ZNF138: variants seen among roughly 807,000 people sequenced by gnomAD.
ZNF138 encodes the protein zinc finger protein 138.
In ZNF138, 33 loss-of-function variants were observed where a neutral mutation model predicts 33.0. The observed-to-expected ratio is 1.00, with a 90% CI of 0.76 to 1.34. The LOEUF is 1.34. Among genes scored for constraint, ZNF138 ranks in the 40% most tolerant of loss-of-function variants. The probability of loss-of-function intolerance (pLI) is 0.00; values close to 1 mark genes in which losing one functional copy is unlikely to be tolerated. For synonymous variants in ZNF138, 139 were observed against 120.4 expected (o/e 1.15, Z -1.01); for missense variants, 360 against 370.8 (o/e 0.97, Z 0.24).
chr7:64,839,992 G>C, the ZNF138 span, among the ~76,000 whole-genome samples: 1 of 152,090 alleles, frequency 6.6e-6, no homozygotes, highest in African/African-American at 2.4e-5. Context: ...GGAGTGGGCG[G>C]GGTAGGGGCG....
the ZNF138 span, among the ~76,000 whole-genome samples, chr7:64,841,699 T>C: frequency 6.6e-6 from 1 of 152,238 alleles, no homozygotes; most frequent in Non-Finnish European, 1.5e-5. Context: ...CTCCCTTTTT[T>C]CTACGTGATT....
chr7:64,811,093 T>G (rs1035535246), intron 1 of ZNF138, among the ~76,000 whole-genome samples: 2 of 152,144 alleles, frequency 1.3e-5, no homozygotes, highest in Non-Finnish European at 2.9e-5. Context: ...TGTATCCCTC[T>G]CCTCTGTCTA....
chr7:64,852,314 G>T, the ZNF138 span: 33 of 926,892 alleles, frequency 3.6e-5, no homozygotes, highest in Non-Finnish European at 3.4e-6. Flanking sequence ...GATTTTTGTT[G>T]CTTATAGTCT....
At chr7:64,860,215 TA>T in the ZNF138 span, among the ~76,000 whole-genome samples, 1 of 152,250 alleles carries the variant, frequency 6.6e-6, no homozygotes, top group South Asian at 2.1e-4. Context: ...GTTTATGCTG[TA>T]AAATGTTTAA....
chr7:64,800,069 G>A (rs143565357), intron 1 of ZNF138, among the ~76,000 whole-genome samples: 22 of 152,272 alleles, frequency 1.4e-4, no homozygotes, highest in African/African-American at 4.8e-4. Flanking sequence ...TTTAAAGAAC[G>A]TTTCTGTGGA....
At chr7:64,816,146 T>C (rs1426967406) in intron 3 of ZNF138, among the ~76,000 whole-genome samples, 1 of 152,156 alleles carries the variant, frequency 6.6e-6, no homozygotes, top group African/African-American at 2.4e-5. Flanking sequence ...GTCCCTCTAC[T>C]TTGTTCTTTT....
chr7:64,825,821 GC>G (rs1363623410), intron 3 of ZNF138, among the ~76,000 whole-genome samples: 1 of 151,340 alleles, frequency 6.6e-6, no homozygotes, highest in Admixed American at 6.6e-5. Context: ...ACAGGCATGA[GC>G]CCCCGCGCCT....
chr7:64,815,111 TAGAA>T, intron 2 of ZNF138, 67 bp downstream of exon 2: 2 of 1,378,230 alleles, frequency 1.5e-6, no homozygotes, highest in Non-Finnish European at 1.9e-6. Context: ...TTTTTTTGGG[TAGAA>T]TGTCTTTTGG....
chr7:64,836,539 C>T (rs1790371036), downstream of ZNF138: 1 of 152,214 alleles, frequency 6.6e-6, no homozygotes, highest in Non-Finnish European at 1.5e-5. Flanking sequence ...TCCATCTACA[C>T]CAGAGGCCCA....
chr7:64,854,186 G>A, the ZNF138 span, among the ~76,000 whole-genome samples: 1 of 152,108 alleles, frequency 6.6e-6, no homozygotes, highest in African/African-American at 2.4e-5. Context: ...TATTTTTAGA[G>A]GATTCTACTA....
At chr7:64,839,831 C>T in the ZNF138 span, among the ~76,000 whole-genome samples, 7 of 152,074 alleles carry the variant, frequency 4.6e-5, no homozygotes, top group Non-Finnish European at 8.8e-5. Flanking sequence ...AATGGAAGGG[C>T]ACCATGGATC....
chr7:64,806,107 T>G (rs1388877537), intron 1 of ZNF138, among the ~76,000 whole-genome samples: 2 of 152,242 alleles, frequency 1.3e-5, no homozygotes, highest in Non-Finnish European at 2.9e-5. Flanking sequence ...TTCCAATCAC[T>G]GTAGAATAAC....
chr7:64,795,192 A>T (rs1357692677), intron 1 of ZNF138, among the ~76,000 whole-genome samples: 1 of 152,214 alleles, frequency 6.6e-6, no homozygotes, highest in Non-Finnish European at 1.5e-5. Flanking sequence ...GGCAGTTTAC[A>T]GTTGGTTAAA....
the ZNF138 span, among the ~76,000 whole-genome samples, chr7:64,846,934 C>T: frequency 6.6e-6 from 1 of 152,118 alleles, no homozygotes. Context: ...AAATATATCT[C>T]TGGTATGCCA....
intron 1 of ZNF138, among the ~76,000 whole-genome samples, chr7:64,808,623 T>A (rs943614813): frequency 6.6e-6 from 1 of 151,400 alleles, no homozygotes; most frequent in African/African-American, 2.4e-5. Context: ...TTGATAATTC[T>A]TGGGTGTTTC....
At chr7:64,803,985 G>A (rs974829482) in intron 1 of ZNF138, among the ~76,000 whole-genome samples, 1 of 152,118 alleles carries the variant, frequency 6.6e-6, no homozygotes, top group Non-Finnish European at 1.5e-5. Flanking sequence ...AACCGTAATA[G>A]CTCTTCACTT....
downstream of ZNF138, among the ~76,000 whole-genome samples, chr7:64,834,813 C>G (rs769093181): frequency 6.6e-6 from 1 of 152,042 alleles, no homozygotes; most frequent in Non-Finnish European, 1.5e-5. Context: ...GCGTTATACT[C>G]CAAACAAAAT....
Position 64,832,699 on chromosome 7 carries a change from A to G in ZNF138, c.*497A>G. 2.3e-6 allele frequency: 1 copy of G among 429,750 alleles called. No individual in the cohort carries two copies. Among genetic ancestry groups the G allele is most frequent in the South Asian group, 1.9e-5 (1 of 53,020 alleles). 26.6% of individuals were successfully genotyped at this position (429,750 alleles called of 1,614,324 possible). Reference sequence around the variant, plus strand: ...GAACAGTGTGGCAAGGTCTTTAAGAAGTCCTCAACTCTTACTGCACATAAG... The same window carrying G: ...GAACAGTGTGGCAAGGTCTTTAAGAGGTCCTCAACTCTTACTGCACATAAG... On this transcript the variant is annotated 3_prime_UTR_variant, in exon 4 of 4. Coordinates refer to ENST00000307355, the MANE Select transcript of ZNF138 (RefSeq NM_001271639.2).
intron 1 of ZNF138, among the ~76,000 whole-genome samples, chr7:64,800,126 T>C (rs1787027771): frequency 6.6e-6 from 1 of 152,132 alleles, no homozygotes; most frequent in Non-Finnish European, 1.5e-5. Context: ...GATATAGAAT[T>C]ATGTTGTCTG....
Sources: gnomAD v4.1 joint callset for allele counts (sites outside exome capture counted in the v4.1 genomes callset) on GRCh38, gnomAD v4.1.1 for gene constraint, MANE v1.5 for transcripts, NCBI Gene and HGNC (gene_info 2026-07-23, HGNC 2026-07-21) for gene names.